Variants in KIAA1958 observed in about 807,000 individuals in gnomAD.
KIAA1958 encodes the protein uncharacterized protein KIAA1958.
KIAA1958 carries 14 observed loss-of-function variants against 47.2 expected under a neutral mutation model. The observed-to-expected ratio is 0.30, with a 90% confidence interval of 0.20 to 0.46. The LOEUF is 0.46. Among genes scored for constraint, KIAA1958 ranks in the 20% least tolerant of loss-of-function variants. KIAA1958 has a pLI of 1.00. For missense variants in KIAA1958, 803 were observed against 909.2 expected (o/e 0.88, Z 1.50); for synonymous variants, 354 against 353.3 (o/e 1.00, Z -0.02).
At chr9:112,638,108 C>A (rs1836835568) in intron 2 of KIAA1958, among the ~76,000 whole-genome samples, 1 of 152,068 alleles carries the variant, frequency 6.6e-6, no homozygotes, top group South Asian at 2.1e-4. Context: ...GAGATCGTGC[C>A]ACTGCACTCC....
intron 1 of KIAA1958, among the ~76,000 whole-genome samples, chr9:112,487,945 GC>G (rs1833896001): frequency 3.1e-5 from 3 of 96,210 alleles, no homozygotes; most frequent in Non-Finnish European, 6.0e-5. Flanking sequence ...TAGTGTGTGT[GC>G]GTGTGTGTGT....
At position 112,618,520 on chromosome 9, in the gene KIAA1958, C is replaced by G; in HGVS notation, c.1172-27130C>G. ...GGGGGACAGACTCCCGTGTGTATGC[C>G]ACCCAGCACGCCCCACAGACCTGCC... On this transcript the variant is annotated intron_variant, in intron 2 of 3. Coordinates refer to ENST00000337530, the MANE Select transcript of KIAA1958 (RefSeq NM_133465.4). The surrounding 1 kb of genome is among the most constrained non-coding windows in gnomAD (Gnocchi z 7.1). The G allele has an allele frequency of 6.4e-7, 1 of 1,550,700 alleles. No homozygotes were observed. The highest frequency in any genetic ancestry group is 2.4e-5 in the East Asian group (1 of 40,914).
chr9:112,521,275 C>T (rs910226104), intron 1 of KIAA1958, among the ~76,000 whole-genome samples: 3 of 152,106 alleles, frequency 2.0e-5, no homozygotes, highest in Non-Finnish European at 4.4e-5. Context: ...GTGGTGCAAT[C>T]ATAGCTCACT....
intron 2 of KIAA1958, chr9:112,581,918 C>A: frequency 4.3e-6 from 1 of 231,274 alleles, no homozygotes; most frequent in East Asian, 1.1e-4. Context: ...CCCTGACATG[C>A]TAGTCCTGGG....
intron 2 of KIAA1958, among the ~76,000 whole-genome samples, chr9:112,622,597 A>G (rs1041865820): frequency 6.6e-6 from 1 of 152,220 alleles, no homozygotes; most frequent in African/African-American, 2.4e-5. Context: ...TGACTTATAA[A>G]TATATATCAG....
chr9:112,534,204 T>G (rs1044895585), intron 1 of KIAA1958, among the ~76,000 whole-genome samples: 1 of 152,166 alleles, frequency 6.6e-6, no homozygotes, highest in Non-Finnish European at 1.5e-5. Context: ...ATTATACATG[T>G]CTCAAGATTA....
intron 2 of KIAA1958, among the ~76,000 whole-genome samples, chr9:112,621,284 C>T (rs758604214): frequency 2.7e-4 from 41 of 152,260 alleles, no homozygotes; most frequent in African/African-American, 4.8e-4. Flanking sequence ...CCTTCCTGTT[C>T]GCCTTATTCT....
chr9:112,579,826 T>C (rs1835708232), intron 2 of KIAA1958, among the ~76,000 whole-genome samples: 1 of 152,208 alleles, frequency 6.6e-6, no homozygotes, highest in Non-Finnish European at 1.5e-5. Context: ...TAATGGTTTC[T>C]CTTGTCAGAA....
chr9:112,500,332 TTCAAGTGATCTG>T (rs1464224821), intron 1 of KIAA1958, among the ~76,000 whole-genome samples: 1 of 152,134 alleles, frequency 6.6e-6, no homozygotes, highest in African/African-American at 2.4e-5. Flanking sequence ...AACTCCTGAC[TTCAAGTGATCTG>T]CCCGCCTTGG....
rs570626855 is a variant in KIAA1958, at chr9:112,584,123, G to A, written c.1171+8872G>A. Reference sequence around the variant, plus strand: ...TTTATGTTAACAGGAGGCAACCTTAGCACAATGCTTCAGGGTTGAACTTTA... The same window carrying A: ...TTTATGTTAACAGGAGGCAACCTTAACACAATGCTTCAGGGTTGAACTTTA... On this transcript the variant is annotated intron_variant, in intron 2 of 3. Coordinates refer to ENST00000337530, the MANE Select transcript of KIAA1958 (RefSeq NM_133465.4). Among the ~76,000 whole-genome samples the A allele has an allele frequency of 4.6e-5, 7 of 152,148 alleles. No homozygotes were observed. The South Asian group carries it at 1.0e-3, about 23-fold the overall frequency.
chr9:112,654,295 A>T (rs1837111535), intron 3 of KIAA1958, among the ~76,000 whole-genome samples: 1 of 152,214 alleles, frequency 6.6e-6, no homozygotes, highest in Non-Finnish European at 1.5e-5. Context: ...CCTCTCTTGT[A>T]ATCCACATGG....
chr9:112,603,561 A>G (rs1836173134), intron 2 of KIAA1958, among the ~76,000 whole-genome samples: 1 of 152,248 alleles, frequency 6.6e-6, no homozygotes. Context: ...CTTAAGCTCT[A>G]TTTGACTTCT....
intron 1 of KIAA1958, among the ~76,000 whole-genome samples, chr9:112,560,198 C>CTTTTTTTTTTTTTTTTTTT (rs745805478): frequency 9.2e-6 from 1 of 108,664 alleles, no homozygotes. Flanking sequence ...TTTTCTTTTT[C>CTTTTTTTTTTTTTTTTTTT]TTTTTTTTTC....
chr9:112,596,853 T>A (rs1836041637), intron 2 of KIAA1958, among the ~76,000 whole-genome samples: 1 of 152,246 alleles, frequency 6.6e-6, no homozygotes, highest in African/African-American at 2.4e-5. Flanking sequence ...TTTTGATTTG[T>A]ACTATGCATT....
intron 1 of KIAA1958, among the ~76,000 whole-genome samples, chr9:112,554,669 A>T (rs1022289161): frequency 6.6e-6 from 1 of 151,976 alleles, no homozygotes; most frequent in African/African-American, 2.4e-5. Context: ...CCCAAACCCA[A>T]CCTCTTGGTC....
chr9:112,548,871 T>C (rs1835090200), intron 1 of KIAA1958, among the ~76,000 whole-genome samples: 1 of 152,172 alleles, frequency 6.6e-6, no homozygotes, highest in Non-Finnish European at 1.5e-5. Context: ...GGTGTCCTTA[T>C]AAGAAGTAGA....
Position 112,668,850 on chromosome 9 carries a change from T to G in KIAA1958, c.*8781T>G, listed in dbSNP as rs1837384358. The G allele has an allele frequency of 6.6e-6, 1 of 152,224 alleles. No homozygotes were observed. Among genetic ancestry groups the G allele is most frequent in the African/African-American group, 2.4e-5 (1 of 41,460 alleles). The allele number at this position is 152,224 out of a possible 1,614,324, so 9.4% of individuals were successfully genotyped here. ...GTCCCAGGGTCCTCTTGCTCAGCTG[T>G]GACTAACAAAAGTCTGTTCAATTTA... On this transcript the variant is annotated 3_prime_UTR_variant, in exon 4 of 4. Transcript: ENST00000337530.
chr9:112,502,193 A>G (rs1834153713), intron 1 of KIAA1958, among the ~76,000 whole-genome samples: 1 of 152,256 alleles, frequency 6.6e-6, no homozygotes, highest in Non-Finnish European at 1.5e-5. Flanking sequence ...TAGTATACTT[A>G]CAAAAGATGA....
chr9:112,590,440 C>T (rs1456030031), intron 2 of KIAA1958, among the ~76,000 whole-genome samples: 2 of 151,954 alleles, frequency 1.3e-5, no homozygotes, highest in Non-Finnish European at 2.9e-5. Context: ...CAACCTCCCC[C>T]TCCCGGGTTC....
Sources: allele counts gnomAD v4.1 joint callset (sites outside exome capture counted in the v4.1 genomes callset), GRCh38; gene constraint gnomAD v4.1.1; non-coding constraint Gnocchi (gnomAD v3.1); transcripts MANE v1.5; gene names NCBI Gene and HGNC (gene_info 2026-07-23, HGNC 2026-07-21).